CTIF: variants seen among roughly 807,000 people sequenced by gnomAD.
The protein encoded by CTIF is CBP80/20-dependent translation initiation factor.
Under a neutral mutation model 66.0 loss-of-function variants are expected in CTIF, and 21 were observed. That is an observed-to-expected ratio of 0.32 (90% CI 0.23 to 0.46). The LOEUF (loss-of-function observed/expected upper bound fraction) is 0.46, where lower values mean the gene tolerates loss of function less well. CTIF is among the 20% of genes least tolerant of loss of function. The pLI, the probability that CTIF is intolerant of heterozygous loss-of-function variation, is 1.00. For missense variants in CTIF, 739 were observed against 812.7 expected (o/e 0.91, Z 1.10); for synonymous variants, 345 against 326.4 (o/e 1.06, Z -0.62).
intron 6 of CTIF, chr18:48,682,819 G>A (rs1459173322): frequency 6.6e-6 from 1 of 152,268 alleles, no homozygotes; most frequent in Non-Finnish European, 1.5e-5. Context: ...CCCTGGGCGG[G>A]CCATTGGGGA....
intron 10 of CTIF, among the ~76,000 whole-genome samples, chr18:48,847,765 T>G (rs941335864): frequency 3.9e-5 from 6 of 152,242 alleles, no homozygotes; most frequent in Non-Finnish European, 7.3e-5. Flanking sequence ...GAAGCTGAGA[T>G]GCAGAGTGAT....
At chr18:48,708,443 G>A (rs1205296989) in intron 6 of CTIF, among the ~76,000 whole-genome samples, 5 of 152,226 alleles carry the variant, frequency 3.3e-5, no homozygotes, top group Non-Finnish European at 7.3e-5. Flanking sequence ...TCTCAATGGA[G>A]CTTGTGTCAA....
At chr18:48,730,711 C>CAG (rs1568172339) in intron 7 of CTIF, among the ~76,000 whole-genome samples, 1 of 38,482 alleles carries the variant, frequency 2.6e-5, no homozygotes, top group Non-Finnish European at 4.6e-5. Flanking sequence ...TGAGGGGCTT[C>CAG]CGCGGTGTGA....
intron 6 of CTIF, among the ~76,000 whole-genome samples, chr18:48,675,057 G>A (rs2091602898): frequency 6.7e-6 from 1 of 148,906 alleles, no homozygotes; most frequent in African/African-American, 2.5e-5. Context: ...GTCGGCGGGG[G>A]TGGAGTGGGT....
chr18:48,583,783 G>T (rs764851365), intron 1 of CTIF, among the ~76,000 whole-genome samples: 9 of 152,222 alleles, frequency 5.9e-5, no homozygotes, highest in Non-Finnish European at 1.3e-4. Context: ...AGCATGGATG[G>T]ACAGAAGGTA....
At position 48,814,011 on chromosome 18, in the gene CTIF, AC is replaced by A. The variant is rs766794903; in HGVS notation, c.1372-3205del. Among the ~76,000 whole-genome samples, 6 of 152,146 alleles carry A rather than the reference AC, an allele frequency of 3.9e-5. No individual in the cohort carries two copies. In the East Asian group the frequency reaches 1.2e-3, roughly 29 times the overall value. The stretch of plus-strand genomic sequence containing the variant: ...GAGGAAGGGGCTGAAGCCTCAAGCT[AC>A]CCCCTGTCTTTGGTCTTCTGGGTCC... On this transcript the variant is annotated intron_variant, in intron 9 of 11. Transcript: ENST00000256413.
chr18:48,740,400 AC>A (rs2092543554), intron 7 of CTIF, among the ~76,000 whole-genome samples: 1 of 151,910 alleles, frequency 6.6e-6, no homozygotes, highest in South Asian at 2.1e-4. Context: ...TCTTCCTGCA[AC>A]CCCACCCTCA....
chr18:48,638,119 C>T (rs1053418999), intron 3 of CTIF, among the ~76,000 whole-genome samples: 1 of 152,092 alleles, frequency 6.6e-6, no homozygotes, highest in Non-Finnish European at 1.5e-5. Context: ...GACCCCCTAG[C>T]TTTTGGTCTA....
intron 9 of CTIF, among the ~76,000 whole-genome samples, chr18:48,800,766 A>G (rs1308269802): frequency 2.0e-5 from 3 of 152,234 alleles, no homozygotes; most frequent in Non-Finnish European, 4.4e-5. Flanking sequence ...GCCCAGGTCC[A>G]AGGGCTGAGT....
intron 6 of CTIF, among the ~76,000 whole-genome samples, chr18:48,687,364 C>T (rs2128260): frequency 1.4e-5 from 2 of 145,398 alleles, no homozygotes; most frequent in South Asian, 4.4e-4. Context: ...AGCTTACCAA[C>T]CAGGAGATGG....
At chr18:48,694,235 T>C (rs759190879) in intron 6 of CTIF, among the ~76,000 whole-genome samples, 1 of 152,156 alleles carries the variant, frequency 6.6e-6, no homozygotes, top group Non-Finnish European at 1.5e-5. Context: ...CAAAACCTAG[T>C]AGATGTAAGA....
intron 9 of CTIF, among the ~76,000 whole-genome samples, chr18:48,814,348 C>G (rs1193949991): frequency 6.6e-6 from 1 of 152,166 alleles, no homozygotes; most frequent in African/African-American, 2.4e-5. Flanking sequence ...GAGCCCCACC[C>G]TGACCAGTTA....
At chr18:48,571,970 A>G (rs1392647727) in intron 1 of CTIF, among the ~76,000 whole-genome samples, 1 of 152,192 alleles carries the variant, frequency 6.6e-6, no homozygotes, top group Non-Finnish European at 1.5e-5. Context: ...TAAATCCAAA[A>G]TCTGCAAGGC....
intron 8 of CTIF, among the ~76,000 whole-genome samples, chr18:48,759,944 C>T (rs937223015): frequency 1.3e-5 from 2 of 152,114 alleles, no homozygotes; most frequent in African/African-American, 4.8e-5. Flanking sequence ...TAGTTGCTCA[C>T]TCTAAAAAAG....
chr18:48,773,575 A>G (rs1177849233), intron 9 of CTIF, among the ~76,000 whole-genome samples: 3 of 152,332 alleles, frequency 2.0e-5, no homozygotes, highest in Admixed American at 1.3e-4. Flanking sequence ...GTGGGCTCCA[A>G]GAGCTTCTGG....
At chr18:48,683,761 G>A (rs1055302786) in intron 6 of CTIF, among the ~76,000 whole-genome samples, 1 of 152,150 alleles carries the variant, frequency 6.6e-6, no homozygotes, top group Non-Finnish European at 1.5e-5. Flanking sequence ...TTCCTGGAGT[G>A]TGTCTCTTTT....
At chr18:48,782,522 G>C (rs987104499) in intron 9 of CTIF, among the ~76,000 whole-genome samples, 1 of 152,240 alleles carries the variant, frequency 6.6e-6, no homozygotes, top group Non-Finnish European at 1.5e-5. Flanking sequence ...GAGCGGGAGA[G>C]AAGCTGAGCT....
rs754652767 is a variant in CTIF at position 48,663,740 on chromosome 18, C to T, written c.253-12C>T. ...CAATTAATGTCAGCCCTTTCACCCC[C>T]ATCTCTTCCAGAATGGCAGCAAAGA... On this transcript the variant is annotated splice_polypyrimidine_tract_variant and intron_variant, in intron 3 of 11. Coordinates refer to ENST00000256413, the MANE Select transcript of CTIF (RefSeq NM_014772.3). The T allele has an allele frequency of 6.2e-6, 10 of 1,613,644 alleles. No individual in the cohort carries two copies. In the East Asian group the frequency reaches 1.1e-4, roughly 18 times the overall value.
At chr18:48,641,844 T>C (rs1364795728) in intron 3 of CTIF, among the ~76,000 whole-genome samples, 1 of 152,168 alleles carries the variant, frequency 6.6e-6, no homozygotes, top group East Asian at 1.9e-4. Flanking sequence ...TTTGCCAACC[T>C]TCAGGCCAGC....
Sources: gnomAD v4.1 joint callset for allele counts (sites outside exome capture counted in the v4.1 genomes callset) on GRCh38, gnomAD v4.1.1 for gene constraint, MANE v1.5 for transcripts, NCBI Gene and HGNC (gene_info 2026-07-23, HGNC 2026-07-21) for gene names.